SNX8: variants seen among roughly 807,000 people sequenced by gnomAD.
The protein encoded by SNX8 is sorting nexin 8.
Under a neutral mutation model 51.6 loss-of-function variants are expected in SNX8, and 25 were observed. That is an observed-to-expected ratio of 0.48 (90% CI 0.35 to 0.68). The LOEUF is 0.68. Among genes scored for constraint, SNX8 ranks in the 30% least tolerant of loss-of-function variants. The probability of loss-of-function intolerance (pLI) is 0.00; values close to 1 mark genes in which losing one functional copy is unlikely to be tolerated. For missense variants in SNX8, 695 were observed against 624.0 expected (o/e 1.11, Z -1.21); for synonymous variants, 324 against 277.0 (o/e 1.17, Z -1.68).
intron 6 of SNX8, 83 bp downstream of exon 6, chr7:2,264,198 GCTGGTTATTACGGTAAA>G (rs1288269628): frequency 1.7e-6 from 2 of 1,178,878 alleles, no homozygotes; most frequent in African/African-American, 3.0e-5. Context: ...AGGTCAGGAT[GCTGGTTATTACGGTAAA>G]CGCACTTTCC....
At chr7:2,293,653 C>T (rs1055026567) in intron 1 of SNX8, among the ~76,000 whole-genome samples, 1 of 149,482 alleles carries the variant, frequency 6.7e-6, no homozygotes, top group African/African-American at 2.5e-5. Context: ...CAAAGCAAGA[C>T]TCCATCTCAA....
At chr7:2,291,654 G>T (rs1307498304) in intron 1 of SNX8, among the ~76,000 whole-genome samples, 6 of 150,338 alleles carry the variant, frequency 4.0e-5, no homozygotes. Flanking sequence ...CCAACCCCCT[G>T]GTCCTGATTA....
At chr7:2,295,187 T>C (rs1181317275) in intron 1 of SNX8, among the ~76,000 whole-genome samples, 1 of 152,026 alleles carries the variant, frequency 6.6e-6, no homozygotes, top group Non-Finnish European at 1.5e-5. Flanking sequence ...GCAGATCACT[T>C]GAGGTCAGGA....
intron 1 of SNX8, among the ~76,000 whole-genome samples, chr7:2,279,569 T>C (rs1017901536): frequency 2.0e-5 from 3 of 151,980 alleles, no homozygotes; most frequent in Non-Finnish European, 2.9e-5. Flanking sequence ...CTGGGCAAGA[T>C]GGCAAAACCC....
chr7:2,269,690 G>T, intron 4 of SNX8, 51 bp from the exon 5 acceptor site: 1 of 1,291,028 alleles, frequency 7.7e-7, no homozygotes. Flanking sequence ...CAGCAAGAAA[G>T]CTGCTGTGGG....
chr7:2,343,402 A>G (rs1315741001), intron 1 of SNX8, among the ~76,000 whole-genome samples: 2 of 151,448 alleles, frequency 1.3e-5, no homozygotes. Flanking sequence ...CAGGCCGGGC[A>G]TGGTGGCTCA....
Position 2,303,204 on chromosome 7 carries a change from C to A in SNX8, c.94+11124G>T, listed in dbSNP as rs1210036479. Among the ~76,000 whole-genome samples, 6 of 148,930 alleles carry A rather than the reference C, an allele frequency of 4.0e-5. 1 individual carries two copies. The East Asian group carries it at 1.2e-3, about 30-fold the overall frequency. On this transcript the variant is annotated intron_variant, in intron 1 of 10. Transcript: ENST00000222990. ...CTGGGAAGTGAGGAGCCCCTCTGCC[C>A]GGCCAGCCGCCCCGTCCAGGAGGGA...
Position 2,254,968 on chromosome 7 carries a change from C to T in SNX8, c.*88G>A. On this transcript the variant is annotated 3_prime_UTR_variant, in exon 11 of 11. Transcript: ENST00000222990. ...GCACGGGGCGTGGCGGGGAGGGGAGCTGCCGTCCAAAGGGAATTACACCGG... is the reference window on the plus strand; with the variant it reads ...GCACGGGGCGTGGCGGGGAGGGGAGTTGCCGTCCAAAGGGAATTACACCGG... 2.2e-6 allele frequency: 2 copies of T among 918,214 alleles called. No individual in the cohort carries two copies. The highest frequency in any genetic ancestry group is 3.3e-5 in the African/African-American group (2 of 61,284). 56.9% of individuals were successfully genotyped at this position (918,214 alleles called of 1,614,324 possible). A position where few individuals can be genotyped will look rare whatever the true frequency, so the allele number is the denominator to read the frequency against.
chr7:2,280,937 C>T (rs1257176073), intron 1 of SNX8, among the ~76,000 whole-genome samples: 9 of 151,862 alleles, frequency 5.9e-5, no homozygotes, highest in African/African-American at 1.9e-4. Context: ...GGATGACAGG[C>T]GTGCACCAAT....
chr7:2,289,861 C>G (rs1053695917), intron 1 of SNX8, among the ~76,000 whole-genome samples: 1 of 152,150 alleles, frequency 6.6e-6, no homozygotes, highest in African/African-American at 2.4e-5. Context: ...CGAGCCACTA[C>G]GCTCCTGCCT....
chr7:2,351,027 G>C (rs1007764147), intron 1 of SNX8, among the ~76,000 whole-genome samples: 1 of 152,192 alleles, frequency 6.6e-6, no homozygotes, highest in South Asian at 2.1e-4. Context: ...GAGGCGGCGG[G>C]AGGATCACGA....
chr7:2,291,934 C>T lies in SNX8; in HGVS notation c.95-13629G>A, dbSNP rs143711394. ...GCACACCACAGGTGCACCCAGAACACGTCTAATGACGGACAACTGGGTACC... is the reference window on the plus strand; with the variant it reads ...GCACACCACAGGTGCACCCAGAACATGTCTAATGACGGACAACTGGGTACC... On this transcript the variant is annotated intron_variant, in intron 1 of 10. Coordinates refer to ENST00000222990, the MANE Select transcript of SNX8 (RefSeq NM_013321.4). Among the ~76,000 whole-genome samples, 596 of 152,332 alleles carry T rather than the reference C, an allele frequency of 3.9e-3. 1 individual carries two copies. Among genetic ancestry groups the T allele is most frequent in the African/African-American group, 0.013 (553 of 41,564 alleles).
chr7:2,259,273 C>T (rs967870584), intron 7 of SNX8, among the ~76,000 whole-genome samples: 1 of 152,210 alleles, frequency 6.6e-6, no homozygotes, highest in Non-Finnish European at 1.5e-5. Context: ...CTGGGGAAAC[C>T]CCCGACACTG....
At chr7:2,262,405 A>G (rs1020034289) in intron 7 of SNX8, among the ~76,000 whole-genome samples, 2 of 152,290 alleles carry the variant, frequency 1.3e-5, no homozygotes, top group Non-Finnish European at 2.9e-5. Context: ...TAAACACCGT[A>G]TCTTCAAACT....
At chr7:2,266,567 G>A (rs985114106) in intron 5 of SNX8, among the ~76,000 whole-genome samples, 4 of 152,152 alleles carry the variant, frequency 2.6e-5, no homozygotes, top group African/African-American at 7.2e-5. Flanking sequence ...GGCTAGTCTT[G>A]AACTCCTGAC....
intron 10 of SNX8, among the ~76,000 whole-genome samples, chr7:2,255,557 C>G (rs562453367): frequency 1.3e-5 from 2 of 152,164 alleles, no homozygotes; most frequent in African/African-American, 4.8e-5. Context: ...GGGCAACACA[C>G]GGACACCCTG....
In SNX8 at chr7:2,278,204, G is replaced by A; in HGVS notation, c.196C>T (p.His66Tyr). ...MPQGNPLLLS[H>Y]TLQELLARDT... ...CTGGCCAGCAGCTCCTGCAGGGTGT[G>A]GGACAGCAGCAGCGGGTTCCCCTGC... The change falls in exon 2 of 11, where the codon CAC becomes TAC. Residue 66 changes from histidine (H) to tyrosine (Y), a missense_variant. By Grantham distance (83) the His-to-Tyr change is moderately conservative. Coordinates refer to ENST00000222990, the MANE Select transcript of SNX8 (RefSeq NM_013321.4). The A allele has an allele frequency of 6.2e-7, 1 of 1,613,666 alleles. No individual in the cohort carries two copies. Among genetic ancestry groups the A allele is most frequent in the Non-Finnish European group, 8.5e-7 (1 of 1,179,786 alleles).
At chr7:2,304,726 C>A (rs1300560160) in intron 1 of SNX8, among the ~76,000 whole-genome samples, 1 of 152,078 alleles carries the variant, frequency 6.6e-6, no homozygotes, top group Admixed American at 6.6e-5. Context: ...GAAGGCTAAC[C>A]GTGCACATGC....
intron 1 of SNX8, among the ~76,000 whole-genome samples, chr7:2,352,952 C>T (rs1488079436): frequency 1.3e-5 from 2 of 152,182 alleles, no homozygotes; most frequent in African/African-American, 4.8e-5. Context: ...GTAGTCAAAC[C>T]TGGTACTAGG....
Sources: gnomAD v4.1 joint callset for allele counts (sites outside exome capture counted in the v4.1 genomes callset) on GRCh38, gnomAD v4.1.1 for gene constraint, MANE v1.5 for transcripts, NCBI Gene and HGNC (gene_info 2026-07-23, HGNC 2026-07-21) for gene names.